Variants in ASAP1 observed in about 807,000 individuals in gnomAD.
ASAP1 encodes ArfGAP with SH3 domain, ankyrin repeat and PH domain 1.
A neutral mutation model predicts 145.2 loss-of-function variants in ASAP1; 43 were observed. That is an observed-to-expected ratio of 0.30 (90% CI 0.23 to 0.38). The LOEUF (loss-of-function observed/expected upper bound fraction) is 0.38. Among genes scored for constraint, ASAP1 ranks in the 10% least tolerant of loss-of-function variants. The pLI, the probability that ASAP1 is intolerant of heterozygous loss-of-function variation, is 1.00. For synonymous variants in ASAP1, 546 were observed against 515.5 expected (o/e 1.06, Z -0.80); for missense variants, 1,018 against 1,355.3 (o/e 0.75, Z 3.91).
At position 130,054,935 on chromosome 8, in the gene ASAP1, C is replaced by T. The variant is rs1007526090; in HGVS notation, c.3316-130G>A. 1.5e-5 allele frequency: 11 copies of T among 733,784 alleles called. No homozygotes were observed. In the South Asian group the frequency reaches 1.6e-4, roughly 11 times the overall value. 45.5% of individuals were successfully genotyped at this position (733,784 alleles called of 1,614,324 possible). A position where few individuals can be genotyped will look rare whatever the true frequency, so the allele number is the denominator to read the frequency against. On this transcript the variant is annotated intron_variant, in intron 29 of 29. Coordinates refer to ENST00000518721, the MANE Select transcript of ASAP1 (RefSeq NM_018482.4). ...TGGAATCCCAGGCTTACCCTTCTTC[C>T]CACCCTTTAGTGAACTACAGAGAGC...
chr8:130,255,081 C>A (rs1245784502), intron 3 of ASAP1, among the ~76,000 whole-genome samples: 2 of 152,064 alleles, frequency 1.3e-5, no homozygotes, highest in African/African-American at 4.8e-5. Context: ...AATCAAAATT[C>A]AGTTTTTAAA....
At chr8:130,261,758 T>A (rs1819912646) in intron 3 of ASAP1, among the ~76,000 whole-genome samples, 1 of 152,008 alleles carries the variant, frequency 6.6e-6, no homozygotes, top group Admixed American at 6.6e-5. Context: ...CATGGAAGCC[T>A]GTGTGGAGGG....
intron 14 of ASAP1, among the ~76,000 whole-genome samples, chr8:130,135,118 A>G (rs1383467904): frequency 6.6e-6 from 1 of 152,204 alleles, no homozygotes; most frequent in Non-Finnish European, 1.5e-5. Context: ...ACATATCCTG[A>G]GCACTTCCTG....
rs898739675 is a variant in ASAP1 at position 130,358,977 on chromosome 8, G to A, written c.60-834C>T. On this transcript the variant is annotated intron_variant, in intron 2 of 29. Coordinates refer to ENST00000518721, the MANE Select transcript of ASAP1 (RefSeq NM_018482.4). This position sits in a 1 kb window ranked among gnomAD's most constrained non-coding sequence, Gnocchi z 4.1. Reference sequence around the variant, plus strand: ...GGGTGCAGGAAGTGAGGCCCCGGGAGAGCCGCCTTCTACTGCGAGGGCCGC... The same window carrying A: ...GGGTGCAGGAAGTGAGGCCCCGGGAAAGCCGCCTTCTACTGCGAGGGCCGC... Among the ~76,000 whole-genome samples the A allele has an allele frequency of 1.3e-5, 2 of 152,052 alleles. No homozygotes were observed. Among genetic ancestry groups the A allele is most frequent in the African/African-American group, 2.4e-5 (1 of 41,424 alleles).
At chr8:130,079,172 G>A (rs1427396249) in intron 26 of ASAP1, among the ~76,000 whole-genome samples, 1 of 152,196 alleles carries the variant, frequency 6.6e-6, no homozygotes, top group African/African-American at 2.4e-5. Context: ...TCCAGTCTGG[G>A]TGACAGAGAA....
At chr8:130,066,067 A>G (rs1429561491) in intron 27 of ASAP1, among the ~76,000 whole-genome samples, 3 of 152,184 alleles carry the variant, frequency 2.0e-5, no homozygotes, top group South Asian at 2.1e-4. Context: ...AACCTTACCA[A>G]TGCCCCCAGT....
At chr8:130,235,787 G>T (rs915149926) in intron 4 of ASAP1, among the ~76,000 whole-genome samples, 1 of 152,118 alleles carries the variant, frequency 6.6e-6, no homozygotes, top group Non-Finnish European at 1.5e-5. Context: ...AGTTTCATTT[G>T]GCTAGGGATT....
intron 12 of ASAP1, among the ~76,000 whole-genome samples, chr8:130,159,549 G>GAAAAA (rs869060434): frequency 1.2e-5 from 1 of 84,164 alleles, no homozygotes; most frequent in Admixed American, 1.4e-4. Context: ...GTGAACTCAG[G>GAAAAA]AAAAAAAAAA....
In ASAP1 at chr8:130,060,600, T is replaced by C. The variant is rs751070104; in HGVS notation, c.3171A>G (p.Pro1057=). Residue 1057 remains proline (P), a synonymous_variant, in exon 28 of 30, where the codon CCA becomes CCG. Transcript: ENST00000518721. ...LTPTLPETPV[P]LPRKINTGKN... ...CCACCGTATTGATTTTTCTGGGCAG[T>C]GGTACGGGCGTCTCTGGCAGAGTAG... 1.2e-6 allele frequency: 2 copies of C among 1,612,494 alleles called. No homozygotes were observed. Among genetic ancestry groups the C allele is most frequent in the South Asian group, 2.2e-5 (2 of 90,858 alleles).
chr8:130,268,532 CACA>C (rs1820402024), intron 3 of ASAP1, among the ~76,000 whole-genome samples: 4 of 145,496 alleles, frequency 2.7e-5, no homozygotes, highest in Non-Finnish European at 6.0e-5. Flanking sequence ...CACACACACA[CACA>C]ACTGTGTAAC....
At chr8:130,077,355 G>A (rs979437867) in intron 26 of ASAP1, among the ~76,000 whole-genome samples, 2 of 152,160 alleles carry the variant, frequency 1.3e-5, no homozygotes, top group Non-Finnish European at 2.9e-5. Flanking sequence ...TACATTAGGT[G>A]GAAGCCACTA....
intron 3 of ASAP1, among the ~76,000 whole-genome samples, chr8:130,278,294 G>A (rs551515360): frequency 4.6e-5 from 7 of 152,224 alleles, no homozygotes; most frequent in Middle Eastern, 3.4e-3. Context: ...ACCACAGAAA[G>A]CTGTAGTCAC....
At chr8:130,421,833 AAT>A (rs1829731476) in intron 1 of ASAP1, among the ~76,000 whole-genome samples, 1 of 152,224 alleles carries the variant, frequency 6.6e-6, no homozygotes, top group Non-Finnish European at 1.5e-5. Flanking sequence ...CAGTCTCCTT[AAT>A]ATGTGTCTAC....
intron 11 of ASAP1, among the ~76,000 whole-genome samples, chr8:130,164,142 T>C (rs554047302): frequency 3.9e-5 from 6 of 152,278 alleles, no homozygotes; most frequent in Non-Finnish European, 7.3e-5. Context: ...ACAGATACTG[T>C]GACATGAGTA....
intron 3 of ASAP1, among the ~76,000 whole-genome samples, chr8:130,257,174 C>A (rs1232761233): frequency 1.3e-5 from 2 of 152,058 alleles, no homozygotes; most frequent in South Asian, 2.1e-4. Flanking sequence ...ATAATATACA[C>A]CCCCAAGTAA....
intron 24 of ASAP1, among the ~76,000 whole-genome samples, chr8:130,104,589 G>A (rs2097534000): frequency 1.3e-5 from 2 of 152,226 alleles, no homozygotes; most frequent in South Asian, 4.1e-4. Context: ...CATTTGTTCA[G>A]TGTACTCTCG....
chr8:130,130,479 T>C (rs1048086361), intron 15 of ASAP1, among the ~76,000 whole-genome samples: 7 of 152,214 alleles, frequency 4.6e-5, no homozygotes, highest in African/African-American at 7.2e-5. Context: ...TTTGGTGGAA[T>C]GAAATGGCTA....
chr8:130,227,651 AATT>A (rs921779699), intron 4 of ASAP1, among the ~76,000 whole-genome samples: 25 of 149,594 alleles, frequency 1.7e-4, no homozygotes, highest in African/African-American at 6.1e-4. Context: ...ATCAATTATA[AATT>A]ATTATATATA....
At chr8:130,211,765 CT>C (rs59571800) in intron 5 of ASAP1, among the ~76,000 whole-genome samples, 27,533 of 152,202 alleles carry the variant, frequency 0.18, 3,159 homozygotes, top group East Asian at 0.44. Flanking sequence ...ACATAATAGA[CT>C]TTTGGTACTT....
Sources: allele counts gnomAD v4.1 joint callset (sites outside exome capture counted in the v4.1 genomes callset), GRCh38; gene constraint gnomAD v4.1.1; non-coding constraint Gnocchi (gnomAD v3.1); transcripts MANE v1.5; gene names NCBI Gene and HGNC (gene_info 2026-07-23, HGNC 2026-07-21).